Variants in APRT observed in about 807,000 individuals in gnomAD.
The protein encoded by APRT is AMP diphosphorylase.
In APRT, 25 loss-of-function variants were observed where a neutral mutation model predicts 21.0. The observed-to-expected ratio is 1.19, with a 90% CI of 0.87 to 1.66. The LOEUF is 1.66. Ranked by LOEUF, APRT falls within the 40% of genes most tolerant of loss-of-function variation. The probability of loss-of-function intolerance (pLI) is 0.00; values close to 1 mark genes in which losing one functional copy is unlikely to be tolerated. For missense variants in APRT, 294 were observed against 232.7 expected (o/e 1.26, Z -1.72); for synonymous variants, 153 against 109.0 (o/e 1.40, Z -2.52).
chr16:88,811,434 C>T, intron 2 of APRT, 116 bp downstream of exon 2: 1 of 1,144,830 alleles, frequency 8.7e-7, no homozygotes, highest in Non-Finnish European at 1.2e-6. Flanking sequence ...GCGCCCGTCC[C>T]GGCGCCCCCT....
Position 88,809,590 on chromosome 16 carries a change from A to G in APRT, c.*108T>C. On this transcript the variant is annotated 3_prime_UTR_variant, in exon 5 of 5. Coordinates refer to ENST00000378364, the MANE Select transcript of APRT (RefSeq NM_000485.3). ...CCAGGAGAGGCGCTGAACCCCAGCA[A>G]AGGAATGTGTTCCCTGTGGGCAGCC... is the stretch of plus-strand genomic sequence containing the variant. The G allele has an allele frequency of 6.5e-7, 1 of 1,545,306 alleles. No homozygotes were observed. Among genetic ancestry groups the G allele is most frequent in the Non-Finnish European group, 8.9e-7 (1 of 1,123,472 alleles).
chr16:88,811,575 G>A lies in APRT; in HGVS notation c.162C>T (p.His54=), dbSNP rs145490332. Residue 54 remains histidine (H), a synonymous_variant, in exon 2 of 5, where the codon CAC becomes CAT. Coordinates refer to ENST00000378364, the MANE Select transcript of APRT (RefSeq NM_000485.3). ...CTGCGATGTAGTCGATGCGGCCCCC[G>A]TGGGTCGCCTTCAGGTGTCGCGCCA... ...GLLARHLKAT[H]GGRIDYIAGL... is the part of the protein sequence containing the mutation. 3.7e-3 allele frequency: 5,897 copies of A among 1,601,250 alleles called. 16 individuals carry two copies. The highest frequency in any genetic ancestry group is 4.5e-3 in the Non-Finnish European group (5,333 of 1,174,982).
chr16:88,811,605 G>A lies in APRT; in HGVS notation c.132C>T (p.Gly44=). The A allele has an allele frequency of 6.2e-7, 1 of 1,604,272 alleles. No individual in the cohort carries two copies. Among genetic ancestry groups the A allele is most frequent in the Non-Finnish European group, 8.5e-7 (1 of 1,176,174 alleles). Reference sequence around the variant, plus strand: ...TCGCCTTCAGGTGTCGCGCCAGGAGGCCGATGGCGGCGCGGAAGGAGGCGG... The same window carrying A: ...TCGCCTTCAGGTGTCGCGCCAGGAGACCGATGGCGGCGCGGAAGGAGGCGG... ...KDPASFRAAI[G]LLARHLKATH... Residue 44 remains glycine, a synonymous_variant, in exon 2 of 5, where the codon GGC becomes GGT. Transcript: ENST00000378364.
Position 88,811,821 on chromosome 16 carries a change from T to C in APRT, c.79A>G (p.Arg27Gly), listed in dbSNP as rs867300431. Residue 27 changes from arginine to glycine, a missense_variant and splice_region_variant, in exon 1 of 5, where the codon AGG becomes GGG. Coordinates refer to ENST00000378364, the MANE Select transcript of APRT (RefSeq NM_000485.3). ...PDFPTPGVVF[R>G]DISPVLKDPA... The stretch of plus-strand genomic sequence containing the variant: ...CACGAGGGCGGCCTGTGCGTGCACC[T>C]GAATACCACGCCTGGGGTGGGGAAG... 1 of 1,567,708 alleles carries C rather than the reference T, an allele frequency of 6.4e-7. No homozygotes were observed. The highest frequency in any genetic ancestry group is 8.6e-7 in the Non-Finnish European group (1 of 1,158,226).
intron 1 of APRT, 74 bp from the exon 2 acceptor site, chr16:88,811,730 C>T (rs1300775810): frequency 2.0e-6 from 3 of 1,496,900 alleles, no homozygotes; most frequent in Non-Finnish European, 2.7e-6. Context: ...GACGAGGGTT[C>T]CCGCCCCGCC....
In APRT at chr16:88,811,789, G is replaced by A. The variant is rs747836137; in HGVS notation, c.80+31C>T. 8.4e-6 allele frequency: 13 copies of A among 1,538,670 alleles called. No individual in the cohort carries two copies. In the East Asian group the frequency reaches 2.7e-4, roughly 32 times the overall value. The stretch of plus-strand genomic sequence containing the variant: ...GCTCCCATCCGTAGGCCCGCAGGTC[G>A]GGGCGCCACGAGGGCGGCCTGTGCG... On this transcript the variant is annotated intron_variant, in intron 1 of 4. Transcript: ENST00000378364.
chr16:88,809,921 G>T (rs769067195), intron 4 of APRT, 81 bp from the exon 5 acceptor site: 2 of 1,584,948 alleles, frequency 1.3e-6, no homozygotes, highest in African/African-American at 2.7e-5. Flanking sequence ...GGTTGGGGAG[G>T]GGAAGGCATG....
rs3214057 is a variant in APRT at position 88,810,716 on chromosome 16, G to A, written c.188-160C>T. 0.09 allele frequency among the ~76,000 whole-genome samples: 13,769 copies of A among 152,256 alleles called. 771 individuals carry two copies. Among genetic ancestry groups the A allele is most frequent in the Middle Eastern group, 0.15 (43 of 294 alleles). On this transcript the variant is annotated intron_variant, in intron 2 of 4. Transcript: ENST00000378364. ...ATCACCTACCCGGAGCTGCTTCCAG[G>A]TCAGAGTGCAGACCTGGGTCTGTCT... is the stretch of plus-strand genomic sequence containing the variant.
intron 2 of APRT, chr16:88,811,267 T>C (rs1283265519): frequency 1.9e-6 from 1 of 524,794 alleles, no homozygotes; most frequent in Non-Finnish European, 3.4e-6. Context: ...CTGGGCCCTG[T>C]GGATTCAGCT....
chr16:88,811,272 T>G (rs1909126714), intron 2 of APRT: 2 of 525,176 alleles, frequency 3.8e-6, no homozygotes, highest in Non-Finnish European at 6.7e-6. Context: ...CCCTGTGGAT[T>G]CAGCTTGGGC....
At chr16:88,809,891 G>T in intron 4 of APRT, 51 bp from the exon 5 acceptor site, 1 of 1,601,652 alleles carries the variant, frequency 6.2e-7, no homozygotes, top group South Asian at 1.1e-5. Context: ...CAGAGAGCAG[G>T]TGCTCCAGGC....
intron 4 of APRT, 114 bp downstream of exon 4, chr16:88,809,956 C>T (rs752469016): frequency 1.9e-6 from 3 of 1,564,996 alleles, no homozygotes; most frequent in Admixed American, 1.7e-5. Flanking sequence ...TCGGCCTGGC[C>T]ACCAGGCACC....
intron 1 of APRT, 32 bp from the exon 2 acceptor site, chr16:88,811,688 G>A: frequency 2.0e-6 from 3 of 1,534,770 alleles, no homozygotes; most frequent in South Asian, 2.4e-5. Context: ...GTGACGCCGG[G>A]GCCGAAGGAG....
In APRT at chr16:88,809,656, C is replaced by T; in HGVS notation, c.*42G>A. 6.2e-7 allele frequency: 1 copy of T among 1,612,664 alleles called. No homozygotes were observed. Among genetic ancestry groups the T allele is most frequent in the Non-Finnish European group, 8.5e-7 (1 of 1,179,784 alleles). On this transcript the variant is annotated 3_prime_UTR_variant, in exon 5 of 5. Coordinates refer to ENST00000378364, the MANE Select transcript of APRT (RefSeq NM_000485.3). ...TGCAGTTGCCCAAGGCTGATATTTC[C>T]CTGGGATCCAGCTGGAGATGTTGGG...
At chr16:88,809,986 G>A (rs1268346091) in intron 4 of APRT, 84 bp downstream of exon 4, 26 of 1,569,092 alleles carry the variant, frequency 1.7e-5, no homozygotes, top group Non-Finnish European at 2.2e-5. Context: ...ACAGTAAGCT[G>A]CATCCCATGT....
intron 4 of APRT, 49 bp from the exon 5 acceptor site, chr16:88,809,889 A>T (rs1020098230): frequency 6.2e-7 from 1 of 1,601,604 alleles, no homozygotes. Flanking sequence ...TGCAGAGAGC[A>T]GGTGCTCCAG....
Position 88,809,578 on chromosome 16 carries a change from T to A in APRT, c.*120A>T. 6.6e-7 allele frequency: 1 copy of A among 1,511,536 alleles called. No individual in the cohort carries two copies. The highest frequency in any genetic ancestry group is 1.1e-5 in the South Asian group (1 of 87,600). 93.6% of individuals were successfully genotyped at this position (1,511,536 alleles called of 1,614,324 possible). A position where few individuals can be genotyped will look rare whatever the true frequency, so the allele number is the denominator to read the frequency against. ...GCACTTCCAGCCCCAGGAGAGGCGC[T>A]GAACCCCAGCAAAGGAATGTGTTCC... On this transcript the variant is annotated 3_prime_UTR_variant, in exon 5 of 5. Transcript: ENST00000378364.
intron 2 of APRT, 135 bp from the exon 3 acceptor site, chr16:88,810,691 A>G (rs1415409104): frequency 8.3e-7 from 1 of 1,202,182 alleles, no homozygotes; most frequent in Non-Finnish European, 1.2e-6. Flanking sequence ...AATGTTACCC[A>G]TCACCTACCC....
At chr16:88,811,722 C>T in intron 1 of APRT, 66 bp from the exon 2 acceptor site, 1 of 1,500,752 alleles carries the variant, frequency 6.7e-7, no homozygotes, top group Non-Finnish European at 8.9e-7. Flanking sequence ...GGGCGAAAGA[C>T]GAGGGTTCCC....
Sources: gnomAD v4.1 joint callset for allele counts (sites outside exome capture counted in the v4.1 genomes callset) on GRCh38, gnomAD v4.1.1 for gene constraint, MANE v1.5 for transcripts, NCBI Gene and HGNC (gene_info 2026-07-23, HGNC 2026-07-21) for gene names.